Variants in MYO9A observed in about 807,000 individuals in gnomAD.
MYO9A encodes myosin IXA.
MYO9A carries 103 observed loss-of-function variants against 293.3 expected under a neutral mutation model. The ratio of observed to expected loss-of-function variants is 0.35; its 90% CI spans 0.30 to 0.41. MYO9A has a LOEUF of 0.41. Ranked by LOEUF, MYO9A falls within the 10% of genes least tolerant of loss-of-function variation. MYO9A has a pLI of 1.00. For missense variants in MYO9A, 2,685 were observed against 3,033.0 expected (o/e 0.89, Z 2.69); for synonymous variants, 1,001 against 1,035.7 (o/e 0.97, Z 0.64).
intron 1 of MYO9A, among the ~76,000 whole-genome samples, chr15:72,112,554 A>T (rs973508913): frequency 1.3e-5 from 2 of 152,246 alleles, no homozygotes; most frequent in Non-Finnish European, 2.9e-5. Context: ...ACCTAAATAT[A>T]ACATCTCACA....
chr15:72,026,538 T>C (rs1162798741), intron 4 of MYO9A, among the ~76,000 whole-genome samples: 1 of 142,850 alleles, frequency 7.0e-6, no homozygotes, highest in African/African-American at 2.6e-5. Context: ...CTTAAGAAAC[T>C]AGAAAAAAAA....
At chr15:71,958,387 G>A (rs1444036902) in intron 14 of MYO9A, 1 of 152,056 alleles carries the variant, frequency 6.6e-6, no homozygotes. Context: ...GAAGCGGTGT[G>A]GAGAAAATAA....
At chr15:72,034,294 G>C (rs1016607171) in intron 2 of MYO9A, among the ~76,000 whole-genome samples, 2 of 152,122 alleles carry the variant, frequency 1.3e-5, no homozygotes, top group African/African-American at 2.4e-5. Context: ...AACCCCCTTC[G>C]AGTGGTTCAG....
rs1017562532 is a variant in MYO9A at position 72,046,469 on chromosome 15, C to G, written c.95G>C (p.Cys32Ser). ...PGAISEGTIY[C>S]PIPARKNSTA... ...GGAGTTTTTTCTGGCAGGAATCGGACAGTAGATTGTCCCTTCTGAAATAGC... is the reference window on the plus strand; with the variant it reads ...GGAGTTTTTTCTGGCAGGAATCGGAGAGTAGATTGTCCCTTCTGAAATAGC... Residue 32 changes from cysteine (C) to serine (S), a missense_variant, in exon 2 of 42, where the codon TGT becomes TCT. Physicochemically the swap from Cys to Ser is moderately radical, Grantham distance 112 (BLOSUM62 -1). Coordinates refer to ENST00000356056, the MANE Select transcript of MYO9A (RefSeq NM_006901.4). 2 of 1,614,168 alleles carry G rather than the reference C, an allele frequency of 1.2e-6. No homozygotes were observed. The highest frequency in any genetic ancestry group is 1.7e-5 in the Admixed American group (1 of 60,028).
intron 11 of MYO9A, among the ~76,000 whole-genome samples, chr15:71,982,764 T>C (rs1359576749): frequency 6.6e-6 from 1 of 152,242 alleles, no homozygotes; most frequent in Admixed American, 6.5e-5. Context: ...AACATTCCAC[T>C]ATGATGGTAA....
intron 13 of MYO9A, 121 bp downstream of exon 13, chr15:71,967,863 T>C (rs2075915950): frequency 2.1e-6 from 2 of 944,012 alleles, no homozygotes; most frequent in Non-Finnish European, 2.9e-6. Context: ...AGTATCTTTA[T>C]ACAATATCTC....
chr15:72,002,260 T>C (rs1330931372), intron 8 of MYO9A, among the ~76,000 whole-genome samples: 1 of 151,896 alleles, frequency 6.6e-6, no homozygotes, highest in Non-Finnish European at 1.5e-5. Flanking sequence ...TTTTTTTTTT[T>C]TTTTTAGACA....
intron 12 of MYO9A, among the ~76,000 whole-genome samples, chr15:71,977,915 T>C (rs1040700114): frequency 6.6e-6 from 1 of 152,070 alleles, no homozygotes; most frequent in South Asian, 2.1e-4. Flanking sequence ...CGGGCACCTG[T>C]AGTCCCAGCT....
At chr15:72,064,326 T>C (rs1478693516) in intron 1 of MYO9A, among the ~76,000 whole-genome samples, 2 of 152,210 alleles carry the variant, frequency 1.3e-5, no homozygotes, top group Admixed American at 6.5e-5. Context: ...ATTGGAATGT[T>C]TGTAACACAA....
intron 1 of MYO9A, among the ~76,000 whole-genome samples, chr15:72,060,808 T>C (rs957151034): frequency 3.3e-5 from 5 of 152,124 alleles, no homozygotes; most frequent in African/African-American, 7.2e-5. Context: ...TTGTGTGCAC[T>C]TGGAATCAGT....
At chr15:71,872,104 A>G (rs2056532071) in intron 32 of MYO9A, among the ~76,000 whole-genome samples, 1 of 152,188 alleles carries the variant, frequency 6.6e-6, no homozygotes, top group African/African-American at 2.4e-5. Flanking sequence ...ATGATAAAAC[A>G]GAACTAGACC....
At chr15:71,843,421 ACT>A (rs1026269441) in intron 39 of MYO9A, among the ~76,000 whole-genome samples, 5 of 152,080 alleles carry the variant, frequency 3.3e-5, no homozygotes, top group African/African-American at 1.2e-4. Context: ...CAACAGCAAG[ACT>A]CTGTCTCAAA....
chr15:72,050,451 A>G (rs1398786551), intron 1 of MYO9A, among the ~76,000 whole-genome samples: 4 of 151,998 alleles, frequency 2.6e-5, no homozygotes, highest in Non-Finnish European at 5.9e-5. Context: ...TACTGAAAAT[A>G]CAAAAATTAG....
intron 8 of MYO9A, among the ~76,000 whole-genome samples, chr15:72,001,523 C>T (rs2076863440): frequency 7.8e-6 from 1 of 128,112 alleles, no homozygotes; most frequent in African/African-American, 3.0e-5. Context: ...CACTGCACTC[C>T]AGCCTAGGAG....
intron 28 of MYO9A, among the ~76,000 whole-genome samples, chr15:71,881,531 C>A (rs981470804): frequency 6.6e-6 from 1 of 152,098 alleles, no homozygotes; most frequent in Non-Finnish European, 1.5e-5. Flanking sequence ...AAACATATAT[C>A]AACTGATTTT....
At chr15:72,063,339 C>T (rs376530636) in intron 1 of MYO9A, among the ~76,000 whole-genome samples, 15 of 152,154 alleles carry the variant, frequency 9.9e-5, no homozygotes, top group African/African-American at 3.6e-4. Context: ...TTAGTCTGGG[C>T]AAAGATTTGT....
At position 72,065,579 on chromosome 15, in the gene MYO9A, C is replaced by CA. The variant is rs552197816; in HGVS notation, c.-71-18946dup. On this transcript the variant is annotated intron_variant, in intron 1 of 41. Transcript: ENST00000356056. ...GTGGGATCTCGAACAACAACAACAA[C>CA]AAAAAAAACACACTAGGTACTAACC... 5.3e-4 allele frequency among the ~76,000 whole-genome samples: 75 copies of CA among 141,288 alleles called. No homozygotes were observed. In the South Asian group the frequency reaches 0.015, roughly 29 times the overall value. The allele number at this position is 141,288 out of a possible 152,430, so 92.7% of individuals were successfully genotyped here.
intron 6 of MYO9A, among the ~76,000 whole-genome samples, chr15:72,015,834 C>G (rs905195216): frequency 6.6e-6 from 1 of 151,784 alleles, no homozygotes; most frequent in African/African-American, 2.4e-5. Context: ...ACTACAGGCG[C>G]CCGCCACCAC....
intron 12 of MYO9A, among the ~76,000 whole-genome samples, chr15:71,977,539 T>C (rs1003867104): frequency 2.6e-5 from 4 of 152,094 alleles, no homozygotes; most frequent in African/African-American, 9.7e-5. Flanking sequence ...GTTTGGCCTA[T>C]CACGATATTC....
Sources: allele counts gnomAD v4.1 joint callset (sites outside exome capture counted in the v4.1 genomes callset), GRCh38; gene constraint gnomAD v4.1.1; transcripts MANE v1.5; gene names NCBI Gene and HGNC (gene_info 2026-07-23, HGNC 2026-07-21).